The following QTMAN variants were observed in gnomAD, a reference collection of about 807,000 sequenced individuals.
QTMAN encodes the protein tRNA-queuosine alpha-mannosyltransferase.
At chr2:144,052,988 G>T in the QTMAN span, among the ~76,000 whole-genome samples, 1 of 152,176 alleles carries the variant, frequency 6.6e-6, no homozygotes, top group Non-Finnish European at 1.5e-5. Context: ...TACACAGGAG[G>T]TGATCCTGGT....
the QTMAN span, among the ~76,000 whole-genome samples, chr2:144,040,560 C>T: frequency 6.6e-6 from 1 of 151,868 alleles, no homozygotes; most frequent in East Asian, 1.9e-4. Flanking sequence ...CGCTAAGACC[C>T]TAAAAGTTCA....
At chr2:144,156,466 T>C in the QTMAN span, among the ~76,000 whole-genome samples, 3 of 152,120 alleles carry the variant, frequency 2.0e-5, no homozygotes, top group Non-Finnish European at 4.4e-5. Context: ...AGGTGAGTCT[T>C]AGGACTGAGT....
chr2:144,052,703 G>A, the QTMAN span, among the ~76,000 whole-genome samples: 3 of 152,158 alleles, frequency 2.0e-5, no homozygotes, highest in Non-Finnish European at 4.4e-5. Flanking sequence ...CCAGACTGGA[G>A]TGCGGTGGCA....
At chr2:144,215,666 A>C in the QTMAN span, among the ~76,000 whole-genome samples, 1 of 152,232 alleles carries the variant, frequency 6.6e-6, no homozygotes, top group South Asian at 2.1e-4. Context: ...CTATAAAAGC[A>C]GCAATGAATT....
chr2:144,028,546 C>T, the QTMAN span, among the ~76,000 whole-genome samples: 1 of 152,280 alleles, frequency 6.6e-6, no homozygotes, highest in South Asian at 2.1e-4. Flanking sequence ...ACCCAAGCCA[C>T]ATGCAAGAGA....
At chr2:143,949,565 C>T in the QTMAN span, among the ~76,000 whole-genome samples, 1 of 151,852 alleles carries the variant, frequency 6.6e-6, no homozygotes, top group Non-Finnish European at 1.5e-5. Context: ...AATTCAGTGA[C>T]ATTCTATCCT....
chr2:144,218,977 T>C, the QTMAN span, among the ~76,000 whole-genome samples: 1 of 138,652 alleles, frequency 7.2e-6, no homozygotes, highest in African/African-American at 2.7e-5. Context: ...GAATATCAGG[T>C]AAACATTTGG....
the QTMAN span, among the ~76,000 whole-genome samples, chr2:144,221,216 T>C: frequency 1.3e-5 from 2 of 152,202 alleles, no homozygotes; most frequent in South Asian, 2.1e-4. Flanking sequence ...TCACTTTTCA[T>C]CATAATACAA....
At chr2:144,213,872 T>C in the QTMAN span, among the ~76,000 whole-genome samples, 1 of 152,156 alleles carries the variant, frequency 6.6e-6, no homozygotes. Context: ...GGTATTTTCT[T>C]ACTGACCCTT....
chr2:144,051,433 T>C, the QTMAN span, among the ~76,000 whole-genome samples: 2 of 152,102 alleles, frequency 1.3e-5, no homozygotes, highest in Non-Finnish European at 2.9e-5. Context: ...CTACTCTGGA[T>C]GGCTTGAGCC....
At chr2:144,188,172 T>C in the QTMAN span, among the ~76,000 whole-genome samples, 1 of 152,156 alleles carries the variant, frequency 6.6e-6, no homozygotes, top group South Asian at 2.1e-4. Flanking sequence ...CTAATACAGA[T>C]GGTCAAATCA....
At chr2:144,262,979 G>A in the QTMAN span, among the ~76,000 whole-genome samples, 7 of 102,314 alleles carry the variant, frequency 6.8e-5, no homozygotes, top group African/African-American at 2.6e-4. Context: ...GAAGGGAGGA[G>A]AGGGGAGGGG....
At chr2:144,217,270 G>C in the QTMAN span, among the ~76,000 whole-genome samples, 1 of 152,066 alleles carries the variant, frequency 6.6e-6, no homozygotes, top group Non-Finnish European at 1.5e-5. Flanking sequence ...CATAGAGTAA[G>C]TGACAGCAAG....
the QTMAN span, among the ~76,000 whole-genome samples, chr2:144,175,485 A>G: frequency 6.6e-6 from 1 of 152,162 alleles, no homozygotes; most frequent in Non-Finnish European, 1.5e-5. Flanking sequence ...CTGCCCACAA[A>G]GGGAACTACC....
chr2:143,985,496 T>C, the QTMAN span, among the ~76,000 whole-genome samples: 1 of 152,278 alleles, frequency 6.6e-6, no homozygotes, highest in East Asian at 1.9e-4. Context: ...AGTTCATTCA[T>C]GTTCATGGAA....
At chr2:143,992,874 G>C in the QTMAN span, among the ~76,000 whole-genome samples, 2 of 152,084 alleles carry the variant, frequency 1.3e-5, no homozygotes, top group African/African-American at 2.4e-5. Context: ...CAGGAATATG[G>C]AATGAAACAC....
the QTMAN span, among the ~76,000 whole-genome samples, chr2:144,283,652 GAA>G: frequency 6.6e-6 from 1 of 152,000 alleles, no homozygotes; most frequent in Non-Finnish European, 1.5e-5. Context: ...TTCTATTTAT[GAA>G]AAAGTCCCTT....
At chr2:144,182,873 TTATATATATATTTTATA>T in the QTMAN span, among the ~76,000 whole-genome samples, 5 of 68,904 alleles carry the variant, frequency 7.3e-5, no homozygotes, top group South Asian at 1.3e-3. Context: ...TATATATATA[TTATATATATATTTTATA>T]TATATATATA....
chr2:144,327,754 G>A, the QTMAN span, among the ~76,000 whole-genome samples: 1 of 152,070 alleles, frequency 6.6e-6, no homozygotes, highest in South Asian at 2.1e-4. Flanking sequence ...GATAAGAATA[G>A]GTCCCAGCCC....
Sources: gnomAD v4.1 joint callset for allele counts (sites outside exome capture counted in the v4.1 genomes callset) on GRCh38, gnomAD v4.1.1 for gene constraint, MANE v1.5 for transcripts, NCBI Gene and HGNC (gene_info 2026-07-23, HGNC 2026-07-21) for gene names.